Variants in ANAPC1 observed in about 807,000 individuals in gnomAD.
ANAPC1 encodes the protein anaphase-promoting complex subunit 1.
Under a neutral mutation model 208.0 loss-of-function variants are expected in ANAPC1, and 36 were observed. That is an observed-to-expected ratio of 0.17 (90% confidence interval 0.13 to 0.23). The LOEUF is 0.23. Among genes scored for constraint, ANAPC1 ranks in the 10% least tolerant of loss-of-function variants. The probability of loss-of-function intolerance (pLI) is 1.00; values close to 1 mark genes in which losing one functional copy is unlikely to be tolerated. For missense variants in ANAPC1, 942 were observed against 2,011.6 expected (o/e 0.47, Z 10.17); for synonymous variants, 378 against 695.2 (o/e 0.54, Z 7.18).
In ANAPC1 at chr2:111,864,829, T is replaced by C. The variant is rs1682315543; in HGVS notation, c.808A>G (p.Thr270Ala). 1 of 1,610,572 alleles carries C rather than the reference T, an allele frequency of 6.2e-7. No individual in the cohort carries two copies. Among genetic ancestry groups the C allele is most frequent in the Non-Finnish European group, 8.5e-7 (1 of 1,179,534 alleles). The change falls in exon 8 of 48, where the codon ACT becomes GCT. Residue 270 changes from threonine (T) to alanine (A), a missense_variant. Thr to Ala is a moderately conservative substitution (Grantham distance 58). Coordinates refer to ENST00000341068, the MANE Select transcript of ANAPC1 (RefSeq NM_022662.4). Reference sequence around the variant, plus strand: ...ACCTCTGATTTGACTCTCCGGAGAGTCCACACAGAATGCACATTTTGAACA... The same window carrying C: ...ACCTCTGATTTGACTCTCCGGAGAGCCCACACAGAATGCACATTTTGAACA... The part of the protein sequence containing the change: ...DAVQNVHSVW[T>A]LRRVKSEEEN...
chr2:111,782,059 A>C (rs1210330395), intron 43 of ANAPC1, among the ~76,000 whole-genome samples: 1 of 152,078 alleles, frequency 6.6e-6, no homozygotes, highest in South Asian at 2.1e-4. Flanking sequence ...ACCGATTTGA[A>C]GATCAATAAT....
chr2:111,838,807 T>C (rs2104482114), intron 17 of ANAPC1, among the ~76,000 whole-genome samples: 1 of 152,308 alleles, frequency 6.6e-6, no homozygotes, highest in East Asian at 1.9e-4. Flanking sequence ...ATAGATTACA[T>C]CACATCTTTG....
chr2:111,811,166 C>T (rs1314859376), intron 28 of ANAPC1, among the ~76,000 whole-genome samples: 1 of 151,938 alleles, frequency 6.6e-6, no homozygotes, highest in Middle Eastern at 3.2e-3. Context: ...GTTCAGGTGT[C>T]GGACAAAGAC....
intron 21 of ANAPC1, among the ~76,000 whole-genome samples, chr2:111,831,078 A>C (rs1680101659): frequency 6.6e-6 from 1 of 152,260 alleles, no homozygotes; most frequent in Admixed American, 6.5e-5. Flanking sequence ...TCGATACAGG[A>C]AACAACTTGG....
intron 27 of ANAPC1, among the ~76,000 whole-genome samples, chr2:111,817,350 TG>T (rs1384786082): frequency 6.6e-6 from 1 of 151,736 alleles, no homozygotes; most frequent in Admixed American, 6.6e-5. Context: ...TTGCCAATTT[TG>T]CATTAGATTT....
At chr2:111,766,796 G>A (rs556778237), downstream of ANAPC1, 1 of 375,034 alleles carries the variant, frequency 2.7e-6, no homozygotes, top group Non-Finnish European at 5.5e-6. Context: ...GCTGAGAGAT[G>A]AAAGACCCCC....
chr2:111,880,833 A>G lies in ANAPC1; in HGVS notation c.-8T>C, dbSNP rs1479455501. 5 of 1,613,556 alleles carry G rather than the reference A, an allele frequency of 3.1e-6. No homozygotes were observed. The highest frequency in any genetic ancestry group is 4.2e-6 in the Non-Finnish European group (5 of 1,179,732). On this transcript the variant is annotated 5_prime_UTR_variant, in exon 2 of 48. Transcript: ENST00000341068. ...TTCATAGAAGTTCGACATGGGTTCCAAATATCAACATTATTTCTGTATGAA... is the reference window on the plus strand; with the variant it reads ...TTCATAGAAGTTCGACATGGGTTCCGAATATCAACATTATTTCTGTATGAA...
chr2:111,860,957 C>T (rs1447219968), intron 10 of ANAPC1, among the ~76,000 whole-genome samples: 2 of 152,220 alleles, frequency 1.3e-5, no homozygotes, highest in African/African-American at 4.8e-5. Flanking sequence ...CACCTATAAG[C>T]TGACAATTCC....
In ANAPC1 at chr2:111,826,416, T is replaced by G. The variant is rs540624990; in HGVS notation, c.2626-561A>C. 1.9e-4 allele frequency among the ~76,000 whole-genome samples: 29 copies of G among 152,342 alleles called. 1 individual carries two copies. The East Asian group carries it at 5.6e-3, about 29-fold the overall frequency. On this transcript the variant is annotated intron_variant, in intron 21 of 47. Coordinates refer to ENST00000341068, the MANE Select transcript of ANAPC1 (RefSeq NM_022662.4). Reference sequence around the variant, plus strand: ...TCATCTGTTTTCTTGCTCTACAGTTTTGTCTATCCTACAATATCATGTAAA... The same window carrying G: ...TCATCTGTTTTCTTGCTCTACAGTTGTGTCTATCCTACAATATCATGTAAA...
At position 111,839,930 on chromosome 2, in the gene ANAPC1, T is replaced by C. The variant is rs561459816; in HGVS notation, c.2041-1418A>G. 4.6e-5 allele frequency among the ~76,000 whole-genome samples: 7 copies of C among 152,238 alleles called. No individual in the cohort carries two copies. In the East Asian group the frequency reaches 1.2e-3, roughly 25 times the overall value. ...TAGCCAACCCTGTTATATGCTCCTA[T>C]GGACCCTTACCCTTCATCTATCATA... is the stretch of plus-strand genomic sequence containing the variant. On this transcript the variant is annotated intron_variant, in intron 17 of 47. Transcript: ENST00000341068.
chr2:111,872,945 G>A (rs1682832764), intron 5 of ANAPC1: 8 of 535,422 alleles, frequency 1.5e-5, no homozygotes, highest in Non-Finnish European at 2.7e-5. Flanking sequence ...CCACTGGCCA[G>A]GATCAGTAAC....
At chr2:111,854,718 GCTT>G (rs1681605480) in intron 13 of ANAPC1, among the ~76,000 whole-genome samples, 1 of 152,196 alleles carries the variant, frequency 6.6e-6, no homozygotes, top group African/African-American at 2.4e-5. Context: ...TTCGTCTGCA[GCTT>G]CTTCACCTTT....
chr2:111,838,575 T>C, intron 17 of ANAPC1, 63 bp from the exon 18 acceptor site: 2 of 1,354,676 alleles, frequency 1.5e-6, no homozygotes, highest in Non-Finnish European at 1.0e-6. Context: ...ACTGATCAAC[T>C]TCAAGGATTC....
chr2:111,779,972 TA>T (rs1677195607), intron 44 of ANAPC1: 1 of 234,794 alleles, frequency 4.3e-6, no homozygotes. Context: ...TGAAATTACA[TA>T]AAAATAAGAG....
intron 13 of ANAPC1, among the ~76,000 whole-genome samples, chr2:111,852,364 A>G (rs972622152): frequency 1.3e-4 from 20 of 151,784 alleles, no homozygotes; most frequent in Non-Finnish European, 2.8e-4. Context: ...CAACGTTCAC[A>G]GACAAAACAC....
At chr2:111,844,830 C>T (rs1005030411) in intron 16 of ANAPC1, among the ~76,000 whole-genome samples, 3 of 152,222 alleles carry the variant, frequency 2.0e-5, no homozygotes, top group Admixed American at 2.0e-4. Flanking sequence ...AGAGTTAATA[C>T]CACATAATTT....
At chr2:111,828,494 T>C in intron 21 of ANAPC1, among the ~76,000 whole-genome samples, 1 of 152,200 alleles carries the variant, frequency 6.6e-6, no homozygotes, top group African/African-American at 2.4e-5. Flanking sequence ...TGCATACCCA[T>C]GGTTCACAGC....
At chr2:111,881,258 T>C (rs1225907747) in intron 1 of ANAPC1, among the ~76,000 whole-genome samples, 1 of 152,160 alleles carries the variant, frequency 6.6e-6, no homozygotes, top group African/African-American at 2.4e-5. Context: ...ATTTGAAAAG[T>C]ACATCTAAGG....
At chr2:111,845,486 A>T (rs755020150) in intron 16 of ANAPC1, among the ~76,000 whole-genome samples, 1 of 152,174 alleles carries the variant, frequency 6.6e-6, no homozygotes, top group Non-Finnish European at 1.5e-5. Flanking sequence ...TGTAAACCCA[A>T]TGCTGCATGA....
Sources: gnomAD v4.1 joint callset for allele counts (sites outside exome capture counted in the v4.1 genomes callset) on GRCh38, gnomAD v4.1.1 for gene constraint, MANE v1.5 for transcripts, NCBI Gene and HGNC (gene_info 2026-07-23, HGNC 2026-07-21) for gene names.